TEKT1: variants seen among roughly 807,000 people sequenced by gnomAD.
TEKT1 encodes tektin-1.
In TEKT1, 32 loss-of-function variants were observed where a neutral mutation model predicts 34.8. The observed-to-expected ratio is 0.92, with a 90% CI of 0.69 to 1.23. TEKT1 has a LOEUF of 1.23. Ranked by LOEUF, TEKT1 falls within the 50% of genes most tolerant of loss-of-function variation. The pLI is 0.00. For synonymous variants in TEKT1, 207 were observed against 199.8 expected (o/e 1.04, Z -0.30); for missense variants, 492 against 518.5 (o/e 0.95, Z 0.50).
At chr17:6,829,744 C>G (rs572343962) in intron 2 of TEKT1, among the ~76,000 whole-genome samples, 2 of 151,740 alleles carry the variant, frequency 1.3e-5, no homozygotes, top group Non-Finnish European at 2.9e-5. Flanking sequence ...TATTTGTATT[C>G]TTTAATTGTT....
intron 2 of TEKT1, among the ~76,000 whole-genome samples, chr17:6,823,488 T>C (rs1194607077): frequency 2.6e-5 from 4 of 152,198 alleles, no homozygotes; most frequent in African/African-American, 9.7e-5. Flanking sequence ...ATCTCTCTCA[T>C]GCTTGGGGCA....
At chr17:6,831,026 A>AAGGAGG (rs57509315) in intron 1 of TEKT1, among the ~76,000 whole-genome samples, 46 of 149,992 alleles carry the variant, frequency 3.1e-4, no homozygotes, top group South Asian at 4.2e-4. Flanking sequence ...GAGGAAGAAG[A>AAGGAGG]AGGAGGAGGA....
chr17:6,811,690 G>C lies in TEKT1; in HGVS notation c.852+1141C>G, dbSNP rs1000069478. ...GTGTTCAGGATGTGGCAACAGGACAGGGATTCAGGGGCTGAGAAGGCCTGG... is the reference window on the plus strand; with the variant it reads ...GTGTTCAGGATGTGGCAACAGGACACGGATTCAGGGGCTGAGAAGGCCTGG... On this transcript the variant is annotated intron_variant, in intron 6 of 7. Transcript: ENST00000338694. The surrounding 1 kb of genome is among the most constrained non-coding windows in gnomAD (Gnocchi z 4.4). Among the ~76,000 whole-genome samples, 4 of 152,160 alleles carry C rather than the reference G, an allele frequency of 2.6e-5. No individual in the cohort carries two copies. Among genetic ancestry groups the C allele is most frequent in the Non-Finnish European group, 5.9e-5 (4 of 68,044 alleles).
At chr17:6,830,164 A>C (rs1291332638) in intron 2 of TEKT1, 23 bp downstream of exon 2, 1 of 1,599,660 alleles carries the variant, frequency 6.3e-7, no homozygotes, top group Non-Finnish European at 8.5e-7. Flanking sequence ...ATGTTCACGA[A>C]TATGCCAAGC....
intron 2 of TEKT1, among the ~76,000 whole-genome samples, chr17:6,821,952 G>T (rs1242991223): frequency 7.3e-6 from 1 of 136,200 alleles, no homozygotes; most frequent in Non-Finnish European, 1.5e-5. Context: ...CCCATTTTGG[G>T]GGAAGGAATT....
chr17:6,806,044 T>A (rs899218787), intron 6 of TEKT1, among the ~76,000 whole-genome samples: 2 of 152,202 alleles, frequency 1.3e-5, no homozygotes, highest in Non-Finnish European at 2.9e-5. Context: ...GTCTCGTTGA[T>A]CTGTCTAATG....
intron 2 of TEKT1, among the ~76,000 whole-genome samples, chr17:6,825,370 C>G (rs1408951248): frequency 6.6e-6 from 1 of 152,154 alleles, no homozygotes; most frequent in African/African-American, 2.4e-5. Flanking sequence ...ACACCGTATC[C>G]TGGGTATCCT....
At chr17:6,815,999 G>T in intron 3 of TEKT1, 37 bp from the exon 4 acceptor site, 1 of 1,610,966 alleles carries the variant, frequency 6.2e-7, no homozygotes, top group Non-Finnish European at 8.5e-7. Flanking sequence ...GCCAACACGT[G>T]CAACATGAGG....
At chr17:6,810,321 G>A (rs1976909793) in intron 6 of TEKT1, among the ~76,000 whole-genome samples, 2 of 152,104 alleles carry the variant, frequency 1.3e-5, no homozygotes. Context: ...TAGTTGGTCT[G>A]TTTTCCCATT....
rs569183194 is a variant in TEKT1 at position 6,821,466 on chromosome 17, G to A, written c.191-2108C>T. ...TTTCCTGAGGTCTCCCTAGCCATGT[G>A]GAACTGTGGGTCGATTAAACCTCTT... On this transcript the variant is annotated intron_variant, in intron 2 of 7. Transcript: ENST00000338694. Among the ~76,000 whole-genome samples the A allele has an allele frequency of 3.3e-5, 5 of 152,288 alleles. No individual in the cohort carries two copies. In the East Asian group the frequency reaches 9.6e-4, roughly 29 times the overall value.
rs1034020572 is a variant in TEKT1 at position 6,826,572 on chromosome 17, ATT to A, written c.190+3613_190+3614del. On this transcript the variant is annotated intron_variant, in intron 2 of 7. Transcript: ENST00000338694. ...ATAAATATATTCTCCCATAAGTGTC[ATT>A]GTTTCACCTTTCCCATTTAGATATG... Among the ~76,000 whole-genome samples the A allele has an allele frequency of 1.3e-4, 19 of 151,894 alleles. No individual in the cohort carries two copies. The East Asian group carries it at 3.5e-3, about 28-fold the overall frequency.
In TEKT1 at chr17:6,798,691, A is replaced by G. The variant is rs1369506739; in HGVS notation, c.*1336T>C. The G allele has an allele frequency of 6.6e-6, 1 of 152,254 alleles. No homozygotes were observed. Among genetic ancestry groups the G allele is most frequent in the East Asian group, 1.9e-4 (1 of 5,202 alleles). The allele number at this position is 152,254 out of a possible 1,614,324, so 9.4% of individuals were successfully genotyped here. ...TTGGGAACATCCCTTTCTGATGGCA[A>G]AGAGTCTCTGGACCAAGGAGCACCT... On this transcript the variant is annotated 3_prime_UTR_variant, in exon 8 of 8. Transcript: ENST00000338694.
intron 5 of TEKT1, 102 bp from the exon 6 acceptor site, chr17:6,813,155 A>AG: frequency 1.1e-6 from 1 of 948,206 alleles, no homozygotes; most frequent in Non-Finnish European, 1.6e-6. Context: ...AACCACCTAG[A>AG]ATGTTACCCT....
intron 7 of TEKT1, 152 bp downstream of exon 7, chr17:6,800,595 G>A (rs1393753281): frequency 1.2e-5 from 11 of 930,876 alleles, no homozygotes; most frequent in Admixed American, 3.1e-5. Context: ...ATTTTGGCGG[G>A]AGGTGGTGGA....
Position 6,815,814 on chromosome 17 carries a change from G to A in TEKT1, c.485+20C>T. ...CAAAATTCCCAGTGGAGATTTGGAG[G>A]GCAGGCCGAAGAGTCATACCGAATC... On this transcript the variant is annotated intron_variant, in intron 4 of 7. Transcript: ENST00000338694. 6.2e-7 allele frequency: 1 copy of A among 1,613,388 alleles called. No individual in the cohort carries two copies. The highest frequency in any genetic ancestry group is 8.5e-7 in the Non-Finnish European group (1 of 1,179,704).
In TEKT1 at chr17:6,830,398, T is replaced by G; in HGVS notation, c.-17-5A>C. 6.5e-7 allele frequency: 1 copy of G among 1,531,970 alleles called. No homozygotes were observed. Among genetic ancestry groups the G allele is most frequent in the Non-Finnish European group, 8.8e-7 (1 of 1,141,650 alleles). 94.9% of individuals were successfully genotyped at this position (1,531,970 alleles called of 1,614,324 possible). A position where few individuals can be genotyped will look rare whatever the true frequency, so the allele number is the denominator to read the frequency against. The stretch of plus-strand genomic sequence containing the variant: ...CCATTTGAGGTTTCCAAATTCCTGA[T>G]CAAAAGCAGACTCTTTTAGATTAAA... On this transcript the variant is annotated splice_polypyrimidine_tract_variant and splice_region_variant and intron_variant, in intron 1 of 7. Transcript: ENST00000338694.
intron 3 of TEKT1, 45 bp downstream of exon 3, chr17:6,819,148 C>T: frequency 6.3e-7 from 1 of 1,588,186 alleles, no homozygotes; most frequent in Non-Finnish European, 8.6e-7. Context: ...CCCAGCATCT[C>T]ATTTGTCACA....
intron 6 of TEKT1, among the ~76,000 whole-genome samples, chr17:6,803,107 C>T (rs960415963): frequency 2.6e-5 from 4 of 152,064 alleles, no homozygotes; most frequent in Non-Finnish European, 5.9e-5. Context: ...TCTCCACATC[C>T]TCTCCAGCAC....
At chr17:6,831,062 CAT>C (rs1367247204) in intron 1 of TEKT1, among the ~76,000 whole-genome samples, 9 of 151,766 alleles carry the variant, frequency 5.9e-5, no homozygotes, top group Admixed American at 3.3e-4. Flanking sequence ...GGAAATGTAA[CAT>C]GTGTAAACTG....
Sources: gnomAD v4.1 joint callset for allele counts (sites outside exome capture counted in the v4.1 genomes callset) on GRCh38, gnomAD v4.1.1 for gene constraint, Gnocchi (gnomAD v3.1) non-coding constraint, MANE v1.5 for transcripts, NCBI Gene and HGNC (gene_info 2026-07-23, HGNC 2026-07-21) for gene names.